The following TNFSF4 variants were observed in gnomAD, a reference collection of about 807,000 sequenced individuals.
TNFSF4 encodes the protein TNF superfamily member 4.
A neutral mutation model predicts 7.3 loss-of-function variants in TNFSF4; 4 were observed. The observed-to-expected ratio is 0.55, with a 90% CI of 0.27 to 1.25. TNFSF4 has a LOEUF of 1.25. TNFSF4 is among the 50% of genes most tolerant of loss of function. TNFSF4 has a pLI of 0.12. For synonymous variants in TNFSF4, 76 were observed against 83.7 expected, an observed-to-expected ratio of 0.91 and a Z score of 0.50; for missense variants, 181 against 208.8, an observed-to-expected ratio of 0.87 and a Z score of 0.82.
At chr1:173,378,368 G>A in the TNFSF4 span, among the ~76,000 whole-genome samples, 8 of 152,308 alleles carry the variant, frequency 5.3e-5, no homozygotes, top group South Asian at 1.0e-3. Context: ...AGGGTCCAGG[G>A]ACCGTTGTGG....
the TNFSF4 span, among the ~76,000 whole-genome samples, chr1:173,236,764 A>C: frequency 6.6e-6 from 1 of 152,192 alleles, no homozygotes. Context: ...ATTTTTACCC[A>C]TATGTGGAAG....
At chr1:173,320,200 T>C in the TNFSF4 span, among the ~76,000 whole-genome samples, 252 of 152,250 alleles carry the variant, frequency 1.7e-3, no homozygotes, top group Non-Finnish European at 2.5e-3. Flanking sequence ...ATAAACATAA[T>C]CAATTACATA....
the TNFSF4 span, among the ~76,000 whole-genome samples, chr1:173,307,343 A>G: frequency 6.6e-6 from 1 of 151,916 alleles, no homozygotes; most frequent in African/African-American, 2.4e-5. Flanking sequence ...ATGAAGAAAA[A>G]GCAGTCAAAC....
chr1:173,231,553 T>C, the TNFSF4 span, among the ~76,000 whole-genome samples: 1 of 152,202 alleles, frequency 6.6e-6, no homozygotes, highest in East Asian at 1.9e-4. Flanking sequence ...GGATGCCCTC[T>C]CTCACCACTC....
the TNFSF4 span, among the ~76,000 whole-genome samples, chr1:173,239,172 A>G: frequency 3.6e-4 from 55 of 152,300 alleles, no homozygotes; most frequent in African/African-American, 1.2e-3. Context: ...CCAGTATTCA[A>G]CACGTCCAAT....
chr1:173,231,492 C>T, the TNFSF4 span, among the ~76,000 whole-genome samples: 1 of 152,182 alleles, frequency 6.6e-6, no homozygotes, highest in Non-Finnish European at 1.5e-5. Flanking sequence ...CAATATCATA[C>T]TGAATGGGCA....
At chr1:173,411,124 T>C in the TNFSF4 span, among the ~76,000 whole-genome samples, 24 of 152,202 alleles carry the variant, frequency 1.6e-4, no homozygotes, top group Non-Finnish European at 2.4e-4. Context: ...GACCAGGGCA[T>C]ATCACTTTGC....
At chr1:173,325,969 C>T in the TNFSF4 span, among the ~76,000 whole-genome samples, 1 of 152,206 alleles carries the variant, frequency 6.6e-6, no homozygotes, top group African/African-American at 2.4e-5. Context: ...CCTTCTAAAA[C>T]TATTCCAATC....
the TNFSF4 span, among the ~76,000 whole-genome samples, chr1:173,399,169 CAAGT>C: frequency 0.012 from 1,862 of 152,252 alleles, 35 homozygotes; most frequent in African/African-American, 0.042. Context: ...CCCTGAGGCA[CAAGT>C]AAGTAATATG....
the TNFSF4 span, among the ~76,000 whole-genome samples, chr1:173,380,378 C>T: frequency 6.6e-6 from 1 of 152,010 alleles, no homozygotes. Flanking sequence ...TTCGGAAGGG[C>T]AAAAAATGCC....
chr1:173,230,713 T>A, the TNFSF4 span, among the ~76,000 whole-genome samples: 53 of 150,670 alleles, frequency 3.5e-4, no homozygotes, highest in African/African-American at 1.3e-3. Context: ...GAGAGAAGAA[T>A]CAAATAGACA....
At chr1:173,400,387 A>C in the TNFSF4 span, among the ~76,000 whole-genome samples, 3 of 152,200 alleles carry the variant, frequency 2.0e-5, no homozygotes, top group Non-Finnish European at 4.4e-5. Context: ...CCAGGAATCA[A>C]AGGATAGGAA....
At chr1:173,247,581 G>C in the TNFSF4 span, among the ~76,000 whole-genome samples, 1 of 152,162 alleles carries the variant, frequency 6.6e-6, no homozygotes, top group Non-Finnish European at 1.5e-5. Context: ...GTTTTACCTA[G>C]AGCTAAACAA....
intron 1 of TNFSF4, among the ~76,000 whole-genome samples, chr1:173,194,378 C>A (rs1199766554): frequency 2.0e-5 from 3 of 152,172 alleles, no homozygotes; most frequent in Non-Finnish European, 4.4e-5. Context: ...GGAAAATAGT[C>A]CCTGTACATA....
the TNFSF4 span, chr1:173,362,556 C>T: frequency 1.1e-5 from 6 of 534,770 alleles, no homozygotes; most frequent in African/African-American, 3.9e-5. Context: ...CTAATGCCTC[C>T]GATTCTCACA....
the TNFSF4 span, among the ~76,000 whole-genome samples, chr1:173,232,330 CTT>C: frequency 6.6e-6 from 1 of 152,208 alleles, no homozygotes; most frequent in African/African-American, 2.4e-5. Context: ...TATCCTGAGA[CTT>C]TGCTGAAGTT....
At chr1:173,448,566 A>C in the TNFSF4 span, among the ~76,000 whole-genome samples, 5 of 152,138 alleles carry the variant, frequency 3.3e-5, no homozygotes, top group Non-Finnish European at 5.9e-5. Context: ...GGGTAGGTAA[A>C]GGAAAATTAC....
At chr1:173,363,218 T>G in the TNFSF4 span, 3 of 284,952 alleles carry the variant, frequency 1.1e-5, no homozygotes, top group Admixed American at 4.9e-5. Context: ...TGTCTTTGAT[T>G]GTATCGCCAT....
chr1:173,370,977 T>TCA, the TNFSF4 span, among the ~76,000 whole-genome samples: 1 of 152,192 alleles, frequency 6.6e-6, no homozygotes, highest in Non-Finnish European at 1.5e-5. Flanking sequence ...GCTGAGGCAG[T>TCA]CACTGGAAGA....
Sources: allele counts gnomAD v4.1 joint callset (sites outside exome capture counted in the v4.1 genomes callset), GRCh38; gene constraint gnomAD v4.1.1; transcripts MANE v1.5; gene names NCBI Gene and HGNC (gene_info 2026-07-23, HGNC 2026-07-21).